Variants in KIF21B observed in about 807,000 individuals in gnomAD.
The protein encoded by KIF21B is kinesin-like protein KIF21B.
KIF21B carries 85 observed loss-of-function variants against 192.9 expected under a neutral mutation model. That is an observed-to-expected ratio of 0.44 (90% confidence interval 0.37 to 0.53). The LOEUF (loss-of-function observed/expected upper bound fraction) is 0.53. Among genes scored for constraint, KIF21B ranks in the 20% least tolerant of loss-of-function variants. The probability of loss-of-function intolerance (pLI) is 0.00; values close to 1 mark genes in which losing one functional copy is unlikely to be tolerated. For missense variants in KIF21B, 1,716 were observed against 2,194.8 expected (o/e 0.78, Z 4.36); for synonymous variants, 832 against 884.6 (o/e 0.94, Z 1.05).
chr1:200,981,805 C>T (rs1655949330), intron 28 of KIF21B, among the ~76,000 whole-genome samples: 1 of 152,146 alleles, frequency 6.6e-6, no homozygotes, highest in East Asian at 1.9e-4. Flanking sequence ...GGAACAACAC[C>T]TCCTCGCTCC....
chr1:201,002,093 G>T, intron 9 of KIF21B, 68 bp downstream of exon 9: 1 of 1,381,026 alleles, frequency 7.2e-7, no homozygotes, highest in Non-Finnish European at 1.0e-6. Flanking sequence ...GATACTCTGG[G>T]GTGGATGTCG....
chr1:200,973,652 G>A lies in KIF21B; in HGVS notation c.4815-74C>T, dbSNP rs1006972013. ...GCTTGGCTGGCTGCCCCCAAAAGTA[G>A]AGGATGAACTGGATTCCCCAAACTC... On this transcript the variant is annotated intron_variant, in intron 34 of 34. Transcript: ENST00000461742. 6 of 1,515,714 alleles carry A rather than the reference G, an allele frequency of 4.0e-6. No individual in the cohort carries two copies. The Admixed American group carries it at 1.1e-4, about 29-fold the overall frequency. 93.9% of individuals were successfully genotyped at this position (1,515,714 alleles called of 1,614,324 possible). A position where few individuals can be genotyped will look rare whatever the true frequency, so the allele number is the denominator to read the frequency against.
rs545358973 is a variant in KIF21B at position 201,014,718 on chromosome 1, A to C, written c.42-5230T>G. Among the ~76,000 whole-genome samples the C allele has an allele frequency of 1.6e-3, 248 of 152,314 alleles. 1 individual carries two copies. Among genetic ancestry groups the C allele is most frequent in the South Asian group, 5.8e-3 (28 of 4,822 alleles). ...TAGGTGAAGTCAGTCCCACCCAATC[A>C]GCTGGCTAGGGTCCCTCCCTTAGTT... On this transcript the variant is annotated intron_variant, in intron 1 of 34. Coordinates refer to ENST00000461742, the MANE Select transcript of KIF21B (RefSeq NM_001252102.2).
At chr1:201,007,143 T>C (rs1345051810) in intron 3 of KIF21B, among the ~76,000 whole-genome samples, 14 of 36,556 alleles carry the variant, frequency 3.8e-4, no homozygotes, top group South Asian at 1.8e-3. Context: ...GACACAGAGA[T>C]ACACAGACAC....
intron 15 of KIF21B, 142 bp downstream of exon 15, chr1:200,996,054 G>A (rs979512382): frequency 3.4e-6 from 3 of 886,870 alleles, no homozygotes; most frequent in Non-Finnish European, 5.4e-6. Context: ...CAAGGGCCAA[G>A]ACAGGGTCAA....
In KIF21B at chr1:200,980,678, A is replaced by G. The variant is rs919785587; in HGVS notation, c.3979+282T>C. 5.3e-5 allele frequency among the ~76,000 whole-genome samples: 8 copies of G among 152,242 alleles called. 1 individual carries two copies. Among genetic ancestry groups the G allele is most frequent in the Non-Finnish European group, 1.0e-4 (7 of 68,046 alleles). Reference sequence around the variant, plus strand: ...TGGGGTGATGTTGGGCAGTGCAAGTACAGGTGGGGCACCCAAGAAGCTTCC... The same window carrying G: ...TGGGGTGATGTTGGGCAGTGCAAGTGCAGGTGGGGCACCCAAGAAGCTTCC... On this transcript the variant is annotated intron_variant, in intron 29 of 34. Transcript: ENST00000461742.
chr1:200,979,646 T>C lies in KIF21B; in HGVS notation c.4049A>G (p.Asn1350Ser). 1 of 1,586,832 alleles carries C rather than the reference T, an allele frequency of 6.3e-7. No homozygotes were observed. Among genetic ancestry groups the C allele is most frequent in the East Asian group, 2.4e-5 (1 of 41,840 alleles). Reference protein sequence around the residue: ...EIAALKGHPNNVVSIKYCSHS... With the variant: ...EIAALKGHPNSVVSIKYCSHS... The stretch of plus-strand genomic sequence containing the variant: ...GCTGCAGTACTTGATGGAGACCACG[T>C]TGTTGGGGTGGCCCTTTAGAGCTGC... Residue 1350 changes from asparagine (N) to serine (S), a missense_variant, in exon 30 of 35, where the codon AAC (asparagine) becomes AGC (serine). By Grantham distance (46) the Asn-to-Ser change is conservative. Transcript: ENST00000461742.
At chr1:201,004,531 CCA>C in intron 6 of KIF21B, 76 bp from the exon 7 acceptor site, 1 of 1,293,262 alleles carries the variant, frequency 7.7e-7, no homozygotes, top group Non-Finnish European at 1.1e-6. Context: ...AATCCCCAAC[CCA>C]TCTGTACCTG....
Position 201,004,395 on chromosome 1 carries a change from G to C in KIF21B, c.961C>G (p.Pro321Ala). Residue 321 changes from proline (P) to alanine (A), a missense_variant, in exon 7 of 35, where the codon CCC becomes GCC. Transcript: ENST00000461742. ...GDQSKKVVHV[P>A]YRDSKLTRLL... is the part of the protein sequence containing the mutation. ...CGAGTGAGCTTGGAGTCCCTGTAGG[G>C]AACGTGCACCACCTTCTTGCTCTGG... 6.3e-7 allele frequency: 1 copy of C among 1,582,256 alleles called. No individual in the cohort carries two copies. The highest frequency in any genetic ancestry group is 8.6e-7 in the Non-Finnish European group (1 of 1,163,446).
chr1:201,023,269 C>T lies in KIF21B; in HGVS notation c.41+74G>A, dbSNP rs572222171. The T allele has an allele frequency of 2.2e-6, 3 of 1,339,208 alleles. No individual in the cohort carries two copies. The highest frequency in any genetic ancestry group is 3.0e-6 in the Non-Finnish European group (3 of 994,442). The allele number at this position is 1,339,208 out of a possible 1,614,324, so 83.0% of individuals were successfully genotyped here. A position where few individuals can be genotyped will look rare whatever the true frequency, so the allele number is the denominator to read the frequency against. On this transcript the variant is annotated intron_variant, in intron 1 of 34. Coordinates refer to ENST00000461742, the MANE Select transcript of KIF21B (RefSeq NM_001252102.2). This position sits in a 1 kb window ranked among gnomAD's most constrained non-coding sequence, Gnocchi z 5.9. ...GCTCCAGCCCAAGCGGTGCTCGCGC[C>T]CCCCGCCCAAAGCCCACGCGAGACA...
chr1:201,003,872 T>A, intron 7 of KIF21B, 91 bp from the exon 8 acceptor site: 1 of 1,292,730 alleles, frequency 7.7e-7, no homozygotes, highest in Non-Finnish European at 1.1e-6. Flanking sequence ...TCCCATCCCA[T>A]TCCCCCACTA....
rs1182136437 is a variant in KIF21B, at chr1:201,003,562, GGCAATGCCC to G, written c.1212+15_1212+23del. ...AGCACTAGCTCCAAGGGGAGTGCTG[GGCAATGCCC>G]AGGAGCATGCTCACCGCCTTATACT... On this transcript the variant is annotated intron_variant, in intron 8 of 34. Transcript: ENST00000461742. 2 of 1,611,782 alleles carry G rather than the reference GGCAATGCCC, an allele frequency of 1.2e-6. No homozygotes were observed. The highest frequency in any genetic ancestry group is 1.7e-6 in the Non-Finnish European group (2 of 1,179,260).
chr1:200,978,833 T>A (rs963965088), intron 30 of KIF21B, among the ~76,000 whole-genome samples: 3 of 152,138 alleles, frequency 2.0e-5, no homozygotes, highest in Admixed American at 6.5e-5. Context: ...ACTACAGGCA[T>A]GCACCACCAT....
At chr1:200,983,948 G>A (rs887177375) in intron 27 of KIF21B, among the ~76,000 whole-genome samples, 10 of 152,196 alleles carry the variant, frequency 6.6e-5, no homozygotes, top group African/African-American at 2.4e-4. Flanking sequence ...CTAGGTACAA[G>A]GACAAGTATT....
rs574397921 is a variant in KIF21B at position 201,009,496 on chromosome 1, T to G, written c.42-8A>C. 1 of 1,612,636 alleles carries G rather than the reference T, an allele frequency of 6.2e-7. No individual in the cohort carries two copies. The highest frequency in any genetic ancestry group is 1.3e-5 in the African/African-American group (1 of 75,034). On this transcript the variant is annotated splice_polypyrimidine_tract_variant and splice_region_variant and intron_variant, in intron 1 of 34. Coordinates refer to ENST00000461742, the MANE Select transcript of KIF21B (RefSeq NM_001252102.2). ...GACAGCTGGGGCCGGATCCTGCCCA[T>G]GATGGAGAGAGCCCTGGGTCAGGCC...
Position 201,000,370 on chromosome 1 carries a change from G to A in KIF21B, c.1685+20C>T, listed in dbSNP as rs1191921494. 1.3e-6 allele frequency: 2 copies of A among 1,536,870 alleles called. No homozygotes were observed. The highest frequency in any genetic ancestry group is 2.3e-5 in the East Asian group (1 of 44,436). ...GGGCGGTCTGAGGGCTCTCAGGGGC[G>A]GGGACGACACTCCACTCACCTCTTC... On this transcript the variant is annotated intron_variant, in intron 11 of 34. Transcript: ENST00000461742. The surrounding 1 kb of genome is among the most constrained non-coding windows in gnomAD (Gnocchi z 6.0).
chr1:200,975,424 G>A lies in KIF21B; in HGVS notation c.4614+75C>T. The A allele has an allele frequency of 7.1e-7, 1 of 1,400,084 alleles. No homozygotes were observed. The highest frequency in any genetic ancestry group is 9.8e-7 in the Non-Finnish European group (1 of 1,015,802). The allele number at this position is 1,400,084 out of a possible 1,614,324, so 86.7% of individuals were successfully genotyped here. ...TGGGGCCCGCGAGTCCAGGTCCCAGGGTCTCCAAGGCCCTGCGTGGGCTAT... is the reference window on the plus strand; with the variant it reads ...TGGGGCCCGCGAGTCCAGGTCCCAGAGTCTCCAAGGCCCTGCGTGGGCTAT... On this transcript the variant is annotated intron_variant, in intron 33 of 34. Coordinates refer to ENST00000461742, the MANE Select transcript of KIF21B (RefSeq NM_001252102.2). This position sits in a 1 kb window ranked among gnomAD's most constrained non-coding sequence, Gnocchi z 4.3.
chr1:201,010,852 C>T (rs1436295392), intron 1 of KIF21B, among the ~76,000 whole-genome samples: 2 of 152,164 alleles, frequency 1.3e-5, no homozygotes, highest in African/African-American at 2.4e-5. Context: ...CTATTGCCTG[C>T]ACTTCCACGG....
chr1:200,990,104 G>C lies in KIF21B; in HGVS notation c.3030+34C>G, dbSNP rs754632320. The stretch of plus-strand genomic sequence containing the variant: ...GCTACCCCTGCCACCCATCTCTCCC[G>C]CCTCCGCCCCAGCAGGCCCAGCCCT... On this transcript the variant is annotated intron_variant, in intron 20 of 34. Coordinates refer to ENST00000461742, the MANE Select transcript of KIF21B (RefSeq NM_001252102.2). This position sits in a 1 kb window ranked among gnomAD's most constrained non-coding sequence, Gnocchi z 5.4. 6.2e-7 allele frequency: 1 copy of C among 1,610,264 alleles called. No homozygotes were observed. The highest frequency in any genetic ancestry group is 1.7e-5 in the Admixed American group (1 of 59,890).
Sources: allele counts gnomAD v4.1 joint callset (sites outside exome capture counted in the v4.1 genomes callset), GRCh38; gene constraint gnomAD v4.1.1; non-coding constraint Gnocchi (gnomAD v3.1); transcripts MANE v1.5; gene names NCBI Gene and HGNC (gene_info 2026-07-23, HGNC 2026-07-21).